The following KCNG2 variants were observed in gnomAD, a reference collection of about 807,000 sequenced individuals.
The protein encoded by KCNG2 is potassium voltage-gated channel modifier subfamily G member 2.
KCNG2 carries 7 observed loss-of-function variants against 12.3 expected under a neutral mutation model. The ratio of observed to expected loss-of-function variants is 0.57; its 90% CI spans 0.32 to 1.07. The LOEUF is 1.07. Ranked by LOEUF, KCNG2 falls within the 50% of genes least tolerant of loss-of-function variation. KCNG2 has a pLI of 0.04. For missense variants in KCNG2, 703 were observed against 726.0 expected, an observed-to-expected ratio of 0.97 and a Z score of 0.36; for synonymous variants, 414 against 351.4, an observed-to-expected ratio of 1.18 and a Z score of -1.99.
rs1213143825 is a variant in KCNG2 at position 79,798,011 on chromosome 18, G to T, written c.-118G>T. 6.7e-6 allele frequency among the ~76,000 whole-genome samples: 1 copy of T among 148,958 alleles called. No homozygotes were observed. Among genetic ancestry groups the T allele is most frequent in the African/African-American group, 2.4e-5 (1 of 41,056 alleles). ...GCCCGGAGCTCGCGGAGTCTGGACC[G>T]CAGGTAAAGTTGAGCGCGCCGTGGG... On this transcript the variant is annotated 5_prime_UTR_variant, in exon 1 of 4. Coordinates refer to ENST00000316249, the MANE Select transcript of KCNG2 (RefSeq NM_012283.2).
chr18:79,840,367 T>G (rs1978421901), intron 1 of KCNG2, among the ~76,000 whole-genome samples: 1 of 152,174 alleles, frequency 6.6e-6, no homozygotes, highest in African/African-American at 2.4e-5. Flanking sequence ...CCCTTTACAA[T>G]TGTTCAACAA....
rs986881516 is a variant in KCNG2 at position 79,858,766 on chromosome 18, C to T, written c.-41+2314C>T. On this transcript the variant is annotated intron_variant, in intron 2 of 3. Transcript: ENST00000316249. ...TTTTCCATTTGTTTGACTATAACGA[C>T]CCTAGTGGATGTGAAGTGGTATCTT... 4.6e-5 allele frequency among the ~76,000 whole-genome samples: 7 copies of T among 152,220 alleles called. No homozygotes were observed. The East Asian group carries it at 9.6e-4, about 21-fold the overall frequency.
intron 3 of KCNG2, among the ~76,000 whole-genome samples, chr18:79,880,358 TAAGAC>T (rs746976862): frequency 4.9e-4 from 73 of 149,700 alleles, no homozygotes; most frequent in Non-Finnish European, 8.9e-4. Flanking sequence ...ATTACTTTGA[TAAGAC>T]AAAAATTAAC....
At chr18:79,894,168 G>A (rs1020234709) in intron 3 of KCNG2, among the ~76,000 whole-genome samples, 5 of 149,002 alleles carry the variant, frequency 3.4e-5, no homozygotes, top group African/African-American at 5.0e-5. Context: ...CACATCTAAT[G>A]TTATGACTGA....
At chr18:79,852,172 A>G (rs910047521) in intron 1 of KCNG2, among the ~76,000 whole-genome samples, 4 of 152,172 alleles carry the variant, frequency 2.6e-5, no homozygotes, top group African/African-American at 9.7e-5. Context: ...TGCATGAGTG[A>G]CACTTCACTA....
intron 1 of KCNG2, among the ~76,000 whole-genome samples, chr18:79,831,848 C>A (rs1236597807): frequency 6.6e-6 from 1 of 152,228 alleles, no homozygotes; most frequent in Non-Finnish European, 1.5e-5. Flanking sequence ...CCTTACCTGG[C>A]GGGCGGCCTA....
At chr18:79,869,539 C>T (rs1295045205) in intron 3 of KCNG2, among the ~76,000 whole-genome samples, 1 of 152,124 alleles carries the variant, frequency 6.6e-6, no homozygotes, top group African/African-American at 2.4e-5. Context: ...GACACCTGGA[C>T]CCGCCCTGTG....
chr18:79,888,605 T>C (rs1980635835), intron 3 of KCNG2, among the ~76,000 whole-genome samples: 1 of 152,214 alleles, frequency 6.6e-6, no homozygotes, highest in Non-Finnish European at 1.5e-5. Flanking sequence ...CATTCCCGTT[T>C]CCCTGATGAC....
Position 79,899,124 on chromosome 18 carries a change from T to G in KCNG2, c.709T>G (p.Ser237Ala). ...AWFSFEFLLR[S>A]LQAESKCAFL... is the part of the protein sequence containing the mutation. Reference sequence around the variant, plus strand: ...GTTCTCCTTCGAGTTCCTGCTGCGCTCCCTGCAGGCCGAGAGCAAGTGCGC... The same window carrying G: ...GTTCTCCTTCGAGTTCCTGCTGCGCGCCCTGCAGGCCGAGAGCAAGTGCGC... Residue 237 changes from serine to alanine, a missense_variant, in exon 4 of 4, where the codon TCC becomes GCC. Coordinates refer to ENST00000316249, the MANE Select transcript of KCNG2 (RefSeq NM_012283.2). 1 of 1,607,274 alleles carries G rather than the reference T, an allele frequency of 6.2e-7. No individual in the cohort carries two copies. The highest frequency in any genetic ancestry group is 8.5e-7 in the Non-Finnish European group (1 of 1,179,216).
At chr18:79,849,180 G>A (rs982464971) in intron 1 of KCNG2, among the ~76,000 whole-genome samples, 1 of 152,094 alleles carries the variant, frequency 6.6e-6, no homozygotes, top group Non-Finnish European at 1.5e-5. Context: ...CCCAGACCTC[G>A]CAGCCTGGAC....
intron 3 of KCNG2, among the ~76,000 whole-genome samples, chr18:79,880,029 C>T (rs981878577): frequency 1.3e-5 from 2 of 152,170 alleles, no homozygotes. Context: ...AGCATGTTCA[C>T]ATTTTCTTAA....
At chr18:79,866,708 A>T (rs1161266468) in intron 3 of KCNG2, among the ~76,000 whole-genome samples, 3,894 of 89,258 alleles carry the variant, frequency 0.044, 64 homozygotes, top group Middle Eastern at 0.066. Flanking sequence ...CTGGGTGCTG[A>T]GAAGTCTGTG....
intron 3 of KCNG2, among the ~76,000 whole-genome samples, chr18:79,886,926 G>A (rs1378696099): frequency 2.3e-4 from 1 of 4,330 alleles, no homozygotes; most frequent in Admixed American, 3.3e-3. Context: ...AGATGGGGAT[G>A]GGAACATAGG....
intron 3 of KCNG2, among the ~76,000 whole-genome samples, chr18:79,873,723 A>C (rs935346526): frequency 3.9e-5 from 6 of 152,134 alleles, no homozygotes; most frequent in East Asian, 1.9e-4. Flanking sequence ...GTCTGGGAGG[A>C]AAGCAGGGGA....
At chr18:79,883,565 C>T (rs548529544) in intron 3 of KCNG2, among the ~76,000 whole-genome samples, 124 of 152,320 alleles carry the variant, frequency 8.1e-4, no homozygotes, top group African/African-American at 2.8e-3. Context: ...GCCCCAGAAC[C>T]TTGGCTGTGG....
At chr18:79,867,247 CT>C (rs1259687454) in intron 3 of KCNG2, among the ~76,000 whole-genome samples, 1 of 151,448 alleles carries the variant, frequency 6.6e-6, no homozygotes, top group African/African-American at 2.4e-5. Context: ...CTTCCTGCCC[CT>C]GTCTTAGACT....
intron 1 of KCNG2, among the ~76,000 whole-genome samples, chr18:79,827,132 G>T (rs1162106098): frequency 1.3e-5 from 2 of 152,138 alleles, no homozygotes; most frequent in Non-Finnish European, 2.9e-5. Context: ...GCCTCCCTGG[G>T]GACAGGCTGG....
At chr18:79,838,302 C>T (rs1978361847) in intron 1 of KCNG2, among the ~76,000 whole-genome samples, 1 of 152,098 alleles carries the variant, frequency 6.6e-6, no homozygotes, top group Non-Finnish European at 1.5e-5. Flanking sequence ...TAAGTGTTCT[C>T]AGTGTGGTTC....
chr18:79,820,569 G>T (rs999420131), intron 1 of KCNG2, among the ~76,000 whole-genome samples: 1 of 152,012 alleles, frequency 6.6e-6, no homozygotes, highest in Non-Finnish European at 1.5e-5. Flanking sequence ...CTGCTTGCCG[G>T]GCATGTGTGC....
Sources: allele counts gnomAD v4.1 joint callset (sites outside exome capture counted in the v4.1 genomes callset), GRCh38; gene constraint gnomAD v4.1.1; transcripts MANE v1.5; gene names NCBI Gene and HGNC (gene_info 2026-07-23, HGNC 2026-07-21).